The following WWOX variants were observed in gnomAD, a reference collection of about 807,000 sequenced individuals.
WWOX encodes WW domain-containing oxidoreductase.
In WWOX, 69 loss-of-function variants were observed where a neutral mutation model predicts 46.2. The ratio of observed to expected loss-of-function variants is 1.49; its 90% CI spans 1.23 to 1.82. WWOX has a LOEUF of 1.82. Among genes scored for constraint, WWOX ranks in the 40% most tolerant of loss-of-function variants. WWOX has a pLI of 0.00. For synonymous variants in WWOX, 359 were observed against 202.6 expected (o/e 1.77, Z -6.56); for missense variants, 919 against 542.6 (o/e 1.69, Z -6.89).
intron 8 of WWOX, among the ~76,000 whole-genome samples, chr16:79,103,958 G>C (rs1597378704): frequency 6.9e-6 from 1 of 144,950 alleles, no homozygotes; most frequent in African/African-American, 2.5e-5. Context: ...AGAAGTCTAG[G>C]AATGGGGAGA....
intron 8 of WWOX, among the ~76,000 whole-genome samples, chr16:78,464,741 G>T (rs2084033112): frequency 6.6e-6 from 1 of 152,000 alleles, no homozygotes; most frequent in South Asian, 2.1e-4. Context: ...TTCATAAAGG[G>T]CCCCATTCAG....
At chr16:79,169,122 A>G (rs368462245) in intron 8 of WWOX, among the ~76,000 whole-genome samples, 8 of 152,336 alleles carry the variant, frequency 5.3e-5, no homozygotes, top group Admixed American at 3.3e-4. Flanking sequence ...ACAATTCTGA[A>G]AAGTCAACAA....
intron 5 of WWOX, among the ~76,000 whole-genome samples, chr16:78,294,571 A>C (rs1407246204): frequency 6.6e-6 from 1 of 152,078 alleles, no homozygotes; most frequent in African/African-American, 2.4e-5. Context: ...TCATTCTATC[A>C]TAATTATCTA....
intron 8 of WWOX, among the ~76,000 whole-genome samples, chr16:78,811,536 C>A (rs2051188822): frequency 6.6e-6 from 1 of 151,536 alleles, no homozygotes; most frequent in South Asian, 2.1e-4. Context: ...TCTCTTTCCC[C>A]CTTTTTGTAT....
intron 8 of WWOX, among the ~76,000 whole-genome samples, chr16:78,483,157 C>G (rs2084537748): frequency 6.6e-6 from 1 of 152,108 alleles, no homozygotes; most frequent in Non-Finnish European, 1.5e-5. Flanking sequence ...TGCTTTTCTT[C>G]TATTTTTTAA....
chr16:78,175,075 G>C (rs1439929598), intron 5 of WWOX, among the ~76,000 whole-genome samples: 1 of 151,882 alleles, frequency 6.6e-6, no homozygotes, highest in Non-Finnish European at 1.5e-5. Context: ...GCTGTGCTAA[G>C]GAGCAGGGGG....
At chr16:78,432,998 C>T (rs1325286627) in intron 8 of WWOX, among the ~76,000 whole-genome samples, 4 of 150,230 alleles carry the variant, frequency 2.7e-5, no homozygotes, top group African/African-American at 1.0e-4. Context: ...GGCTGAAAGT[C>T]CTTATGGAAA....
At chr16:78,517,720 G>A (rs559126426) in intron 8 of WWOX, among the ~76,000 whole-genome samples, 8 of 152,014 alleles carry the variant, frequency 5.3e-5, no homozygotes, top group Admixed American at 2.6e-4. Flanking sequence ...ATGTTGGGAC[G>A]GGTCTTAAAC....
Position 79,199,438 on chromosome 16 carries a change from C to A in WWOX, c.1057-12170C>A, listed in dbSNP as rs78285849. ...CTATCATGCGTAAGGTGGACCCTCA[C>A]AGAAAGCGTCAAAGACACACGAATC... On this transcript the variant is annotated intron_variant, in intron 8 of 8. Coordinates refer to ENST00000566780, the MANE Select transcript of WWOX (RefSeq NM_016373.4). Among the ~76,000 whole-genome samples the A allele has an allele frequency of 2.8e-3, 422 of 152,272 alleles. 4 individuals carry two copies. The highest frequency in any genetic ancestry group is 0.022 in the Admixed American group (344 of 15,300).
chr16:78,988,795 C>T (rs1040603802), intron 8 of WWOX, among the ~76,000 whole-genome samples: 2 of 152,170 alleles, frequency 1.3e-5, no homozygotes, highest in African/African-American at 4.8e-5. Flanking sequence ...TGCCCCACTC[C>T]CAGCCTGTCC....
chr16:78,957,505 G>A lies in WWOX; in HGVS notation c.1057-254103G>A, dbSNP rs969106584. On this transcript the variant is annotated intron_variant, in intron 8 of 8. Transcript: ENST00000566780. ...GTTTGGGGCTGAGACACCAGAACAG[G>A]TGTTCTGTGGGAACTGAGAATGTCT... Among the ~76,000 whole-genome samples the A allele has an allele frequency of 1.4e-4, 22 of 152,136 alleles. No individual in the cohort carries two copies. In the South Asian group the frequency reaches 1.5e-3, roughly 10 times the overall value.
chr16:78,443,200 G>T (rs1010529372), intron 8 of WWOX, among the ~76,000 whole-genome samples: 135 of 151,526 alleles, frequency 8.9e-4, no homozygotes, highest in Non-Finnish European at 2.4e-4. Context: ...AGCTACTTGG[G>T]AGGCTGAGAC....
At chr16:78,254,475 A>C (rs1043981284) in intron 5 of WWOX, among the ~76,000 whole-genome samples, 1 of 89,522 alleles carries the variant, frequency 1.1e-5, no homozygotes, top group African/African-American at 4.9e-5. Flanking sequence ...CCTCTGTTCC[A>C]TCACTTTTCT....
At chr16:78,362,684 G>A (rs975006918) in intron 5 of WWOX, among the ~76,000 whole-genome samples, 4 of 152,154 alleles carry the variant, frequency 2.6e-5, no homozygotes, top group African/African-American at 9.7e-5. Flanking sequence ...ATTTCTTTTA[G>A]GACTGGACGG....
chr16:78,834,848 T>C (rs2051933106), intron 8 of WWOX, among the ~76,000 whole-genome samples: 1 of 152,184 alleles, frequency 6.6e-6, no homozygotes, highest in South Asian at 2.1e-4. Context: ...TAGTTTTTCA[T>C]GATTGTTCGT....
chr16:78,532,868 G>A (rs2043656518), intron 8 of WWOX, among the ~76,000 whole-genome samples: 1 of 152,140 alleles, frequency 6.6e-6, no homozygotes, highest in Non-Finnish European at 1.5e-5. Context: ...AGAGATTTGG[G>A]TGGGTACACA....
chr16:78,186,448 T>C (rs928206623), intron 5 of WWOX, among the ~76,000 whole-genome samples: 1 of 152,202 alleles, frequency 6.6e-6, no homozygotes, highest in African/African-American at 2.4e-5. Context: ...GGAATTTTAT[T>C]CTTTACATTC....
At position 78,099,813 on chromosome 16, in the gene WWOX, C is replaced by A; in HGVS notation, c.35C>A (p.Thr12Lys). ...CTGCGCTACGCGGGGCTGGACGACA[C>A]GGACAGTGAGGACGAGCTGCCTCCG... Reference protein sequence around the residue: ...AALRYAGLDDTDSEDELPPGW... With the variant: ...AALRYAGLDDKDSEDELPPGW... Residue 12 changes from threonine (T) to lysine (K), a missense_variant, in exon 1 of 9, where the codon ACG becomes AAG. By Grantham distance (78) the Thr-to-Lys change is moderately conservative. Coordinates refer to ENST00000566780, the MANE Select transcript of WWOX (RefSeq NM_016373.4). 1 of 1,576,892 alleles carries A rather than the reference C, an allele frequency of 6.3e-7. No individual in the cohort carries two copies. Among genetic ancestry groups the A allele is most frequent in the South Asian group, 1.2e-5 (1 of 85,556 alleles).
At position 79,072,862 on chromosome 16, in the gene WWOX, G is replaced by C. The variant is rs143384517; in HGVS notation, c.1057-138746G>C. Among the ~76,000 whole-genome samples the C allele has an allele frequency of 9.5e-4, 145 of 152,244 alleles. 1 individual carries two copies. Among genetic ancestry groups the C allele is most frequent in the East Asian group, 5.2e-3 (27 of 5,178 alleles). The stretch of plus-strand genomic sequence containing the variant: ...TGTCTTTAGAACCAGAATGTGTGTA[G>C]CTGTTTTCTGGCCTGAATTTGGGCT... On this transcript the variant is annotated intron_variant, in intron 8 of 8. Coordinates refer to ENST00000566780, the MANE Select transcript of WWOX (RefSeq NM_016373.4).
Sources: allele counts gnomAD v4.1 joint callset (sites outside exome capture counted in the v4.1 genomes callset), GRCh38; gene constraint gnomAD v4.1.1; transcripts MANE v1.5; gene names NCBI Gene and HGNC (gene_info 2026-07-23, HGNC 2026-07-21).